The following HS6ST2 variants were observed in gnomAD, a reference collection of about 807,000 sequenced individuals.
HS6ST2 encodes heparan-sulfate 6-O-sulfotransferase 2.
Under a neutral mutation model 33.0 loss-of-function variants are expected in HS6ST2, and 17 were observed. The ratio of observed to expected loss-of-function variants is 0.52; its 90% CI spans 0.35 to 0.77. The LOEUF (loss-of-function observed/expected upper bound fraction) is 0.77, where lower values mean the gene tolerates loss of function less well. HS6ST2 is among the 30% of genes least tolerant of loss of function. HS6ST2 has a pLI of 0.01. For missense variants in HS6ST2, 519 were observed against 551.7 expected, an observed-to-expected ratio of 0.94 and a Z score of 0.59; for synonymous variants, 248 against 237.1, an observed-to-expected ratio of 1.05 and a Z score of -0.42.
intron 3 of HS6ST2, among the ~76,000 whole-genome samples, chrX:132,684,319 A>G (rs990701211): frequency 9.5e-6 from 1 of 105,056 alleles, no homozygotes; most frequent in African/African-American, 3.5e-5. Context: ...ATATATATGT[A>G]TATACATATA....
intron 3 of HS6ST2, among the ~76,000 whole-genome samples, chrX:132,704,070 G>C (rs1387584895): frequency 8.9e-6 from 1 of 111,752 alleles, no homozygotes; most frequent in African/African-American, 3.3e-5. Context: ...ATCACTGATA[G>C]AATTATTTGC....
chrX:132,780,788 A>C (rs1302175353), intron 2 of HS6ST2, among the ~76,000 whole-genome samples: 1 of 111,979 alleles, frequency 8.9e-6, no homozygotes, highest in Non-Finnish European at 1.9e-5. Flanking sequence ...AGCAGGATTC[A>C]TGAGGTGGGC....
At chrX:132,708,730 G>C in intron 2 of HS6ST2, 1 of 306,539 alleles carries the variant, frequency 3.3e-6, no homozygotes, top group Non-Finnish European at 5.7e-6. Flanking sequence ...CAGATCCCTG[G>C]AGTGCTGTGG....
Position 132,760,714 on chromosome X carries a change from C to G in HS6ST2, c.948-52220G>C, listed in dbSNP as rs184948004. Among the ~76,000 whole-genome samples, 5 of 110,563 alleles carry G rather than the reference C, an allele frequency of 4.5e-5. No homozygotes were observed. In the Middle Eastern group the frequency reaches 0.018, roughly 408 times the overall value. On this transcript the variant is annotated intron_variant, in intron 2 of 4. Coordinates refer to ENST00000370833, the MANE Select transcript of HS6ST2 (RefSeq NM_001394073.1). ...CAGGCATGGGAGAGAATGAGCACTT[C>G]GAGTTCAGTGGAGGGGGCAGGGCGA...
chrX:132,822,886 C>A (rs1298155472), intron 2 of HS6ST2, among the ~76,000 whole-genome samples: 7 of 112,127 alleles, frequency 6.2e-5, no homozygotes, highest in Non-Finnish European at 1.3e-4. Flanking sequence ...CTGGAAGGAA[C>A]AGGGGCTGAC....
chrX:132,880,621 T>C (rs1315807801), intron 2 of HS6ST2, among the ~76,000 whole-genome samples: 3 of 110,759 alleles, frequency 2.7e-5, no homozygotes, highest in African/African-American at 9.8e-5. Flanking sequence ...AACAACTTTT[T>C]TTTTCTTTTT....
At chrX:132,735,967 G>A (rs990048593) in intron 2 of HS6ST2, among the ~76,000 whole-genome samples, 3 of 111,194 alleles carry the variant, frequency 2.7e-5, no homozygotes, top group Non-Finnish European at 3.8e-5. Flanking sequence ...AGCCTCCTGA[G>A]TAGCTGGGAT....
At chrX:132,773,196 A>G (rs932691986) in intron 2 of HS6ST2, among the ~76,000 whole-genome samples, 3 of 101,569 alleles carry the variant, frequency 3.0e-5, no homozygotes, top group Middle Eastern at 4.9e-3. Context: ...TATTATAAAT[A>G]TGTAATATAT....
At chrX:132,727,663 T>C in intron 2 of HS6ST2, among the ~76,000 whole-genome samples, 1 of 111,647 alleles carries the variant, frequency 9.0e-6, no homozygotes, top group East Asian at 2.8e-4. Flanking sequence ...GAAATTCATG[T>C]AACACAAAAT....
Position 132,685,648 on chromosome X carries a change from A to G in HS6ST2, c.981-16449T>C, listed in dbSNP as rs144501104. Among the ~76,000 whole-genome samples the G allele has an allele frequency of 4.3e-3, 479 of 111,839 alleles. 2 individuals carry two copies. Among genetic ancestry groups the G allele is most frequent in the South Asian group, 8.7e-3 (23 of 2,636 alleles). ...GACAGTTATGAGCCACATGAGAAAT[A>G]TCACTCATGACTGTGTAGTCACACC... On this transcript the variant is annotated intron_variant, in intron 3 of 4. Transcript: ENST00000370833.
At chrX:132,853,484 TACAAA>T (rs2065824816) in intron 2 of HS6ST2, among the ~76,000 whole-genome samples, 1 of 110,609 alleles carries the variant, frequency 9.0e-6, no homozygotes, top group Non-Finnish European at 1.9e-5. Flanking sequence ...ATCTGGAGTT[TACAAA>T]GGTAAAAGGT....
In HS6ST2 at chrX:132,862,361, T is replaced by A. The variant is rs752207172; in HGVS notation, c.947+94447A>T. ...TACCAGAGGTGTTTCTTAACAAATT[T>A]GGATACAAAAAGAGCAGGCACAGTC... On this transcript the variant is annotated intron_variant, in intron 2 of 4. Transcript: ENST00000370833. Among the ~76,000 whole-genome samples the A allele has an allele frequency of 4.5e-5, 5 of 112,164 alleles. No individual in the cohort carries two copies. In the South Asian group the frequency reaches 1.9e-3, roughly 42 times the overall value.
intron 2 of HS6ST2, among the ~76,000 whole-genome samples, chrX:132,767,400 G>C: frequency 9.0e-6 from 1 of 111,662 alleles, no homozygotes. Context: ...TAAATTTTTA[G>C]TAGTGAAGAG....
At chrX:132,937,668 T>C (rs1377319118) in intron 2 of HS6ST2, among the ~76,000 whole-genome samples, 1 of 111,526 alleles carries the variant, frequency 9.0e-6, no homozygotes, top group Non-Finnish European at 1.9e-5. Flanking sequence ...AACTGGACCC[T>C]TAGCCCTCAT....
chrX:132,669,336 C>G (rs771403055), intron 3 of HS6ST2, 137 bp from the exon 4 acceptor site: 8 of 417,226 alleles, frequency 1.9e-5, no homozygotes, highest in African/African-American at 1.1e-4. Context: ...CTCTCTCTCT[C>G]TCTCTCTCTC....
chrX:132,928,760 G>C (rs2066735278), intron 2 of HS6ST2, among the ~76,000 whole-genome samples: 1 of 111,140 alleles, frequency 9.0e-6, no homozygotes. Context: ...TCCAAAATCA[G>C]TACCTATGGC....
At chrX:132,837,903 G>A (rs1338949477) in intron 2 of HS6ST2, among the ~76,000 whole-genome samples, 3 of 111,441 alleles carry the variant, frequency 2.7e-5, no homozygotes, top group Non-Finnish European at 5.6e-5. Context: ...GCTTTGTTGT[G>A]AACAATTAAC....
At chrX:132,777,192 T>C (rs761612036) in intron 2 of HS6ST2, among the ~76,000 whole-genome samples, 4 of 106,255 alleles carry the variant, frequency 3.8e-5, no homozygotes, top group Non-Finnish European at 5.8e-5. Context: ...AGAATGTCAA[T>C]AGAACCAGTG....
At chrX:132,723,234 T>C (rs886323135) in intron 2 of HS6ST2, among the ~76,000 whole-genome samples, 1 of 111,621 alleles carries the variant, frequency 9.0e-6, no homozygotes, top group African/African-American at 3.3e-5. Context: ...CACTGCTGAA[T>C]TCTACCAAAC....
Sources: allele counts gnomAD v4.1 joint callset (sites outside exome capture counted in the v4.1 genomes callset), GRCh38; gene constraint gnomAD v4.1.1; transcripts MANE v1.5; gene names NCBI Gene and HGNC (gene_info 2026-07-23, HGNC 2026-07-21).